Variants in CLCN1 observed in about 807,000 individuals in gnomAD.
CLCN1 encodes the protein chloride voltage-gated channel 1.
CLCN1 carries 100 observed loss-of-function variants against 114.5 expected under a neutral mutation model. That is an observed-to-expected ratio of 0.87 (90% CI 0.74 to 1.03). CLCN1 has a LOEUF of 1.03. CLCN1 is among the 50% of genes least tolerant of loss of function. The pLI, the probability that CLCN1 is intolerant of heterozygous loss-of-function variation, is 0.00. For synonymous variants in CLCN1, 485 were observed against 487.1 expected, an observed-to-expected ratio of 1.00 and a Z score of 0.06; for missense variants, 1,188 against 1,250.0, an observed-to-expected ratio of 0.95 and a Z score of 0.75.
chr7:143,321,257 G>C lies in CLCN1; in HGVS notation c.434-108G>C. 3 of 1,304,146 alleles carry C rather than the reference G, an allele frequency of 2.3e-6. 1 individual carries two copies. The South Asian group carries it at 3.7e-5, about 16-fold the overall frequency. 80.8% of individuals were successfully genotyped at this position (1,304,146 alleles called of 1,614,324 possible). ...ATGAGAGCAGCACCATCTCAGAAGG[G>C]GCACACAGAAGGAGCACGGCCTGAG... On this transcript the variant is annotated intron_variant, in intron 3 of 22. Coordinates refer to ENST00000343257, the MANE Select transcript of CLCN1 (RefSeq NM_000083.3). This position sits in a 1 kb window ranked among gnomAD's most constrained non-coding sequence, Gnocchi z 4.2.
chr7:143,322,801 G>A (rs575281847), intron 5 of CLCN1, among the ~76,000 whole-genome samples: 7 of 152,350 alleles, frequency 4.6e-5, no homozygotes, highest in Admixed American at 1.3e-4. Context: ...GATTACAGGC[G>A]TGCGCCACCG....
intron 14 of CLCN1, among the ~76,000 whole-genome samples, chr7:143,341,540 C>T (rs1019906491): frequency 4.7e-5 from 7 of 150,498 alleles, no homozygotes; most frequent in African/African-American, 1.7e-4. Context: ...GCCTAGGTGA[C>T]AGAGTGAGAC....
At chr7:143,319,496 C>A (rs976775394) in intron 1 of CLCN1, among the ~76,000 whole-genome samples, 4 of 152,112 alleles carry the variant, frequency 2.6e-5, no homozygotes, top group Non-Finnish European at 5.9e-5. Context: ...ATAAAGGCTA[C>A]CCTGGATCAA....
Position 143,320,711 on chromosome 7 carries a change from G to A in CLCN1, c.349G>A (p.Asp117Asn). The change falls in exon 3 of 23, where the codon GAC becomes AAC. Residue 117 changes from aspartate (D) to asparagine (N), a missense_variant. Physicochemically the swap from Asp to Asn is conservative, Grantham distance 23 (BLOSUM62 1). Coordinates refer to ENST00000343257, the MANE Select transcript of CLCN1 (RefSeq NM_000083.3). The part of the protein sequence containing the change: ...GQVVRRKLGE[D>N]GIFLVLLGLL... The stretch of plus-strand genomic sequence containing the variant: ...GGTGGTGAGAAGAAAATTAGGGGAA[G>A]ACGGGATCTTTCTGGTGCTTCTGGG... 6.2e-7 allele frequency: 1 copy of A among 1,613,752 alleles called. No homozygotes were observed.
At position 143,339,076 on chromosome 7, in the gene CLCN1, T is replaced by C. The variant is rs984506377; in HGVS notation, c.1402-177T>C. Among the ~76,000 whole-genome samples, 8 of 152,220 alleles carry C rather than the reference T, an allele frequency of 5.3e-5. No homozygotes were observed. Among genetic ancestry groups the C allele is most frequent in the African/African-American group, 1.7e-4 (7 of 41,456 alleles). On this transcript the variant is annotated intron_variant, in intron 12 of 22. Transcript: ENST00000343257. This position sits in a 1 kb window ranked among gnomAD's most constrained non-coding sequence, Gnocchi z 4.1. Reference sequence around the variant, plus strand: ...TGATAGTATTGTCTTTGGTGATCTCTTAGCCTGAGAGCTCTATGGCTTTTG... The same window carrying C: ...TGATAGTATTGTCTTTGGTGATCTCCTAGCCTGAGAGCTCTATGGCTTTTG...
chr7:143,331,830 T>C (rs1323094882), intron 10 of CLCN1, among the ~76,000 whole-genome samples, 178 bp downstream of exon 10: 1 of 152,124 alleles, frequency 6.6e-6, no homozygotes, highest in African/African-American at 2.4e-5. Context: ...TAAAGATTAT[T>C]TTTGTTTTTG....
intron 20 of CLCN1, among the ~76,000 whole-genome samples, chr7:143,348,059 C>T (rs1381104164): frequency 2.6e-5 from 4 of 152,100 alleles, no homozygotes; most frequent in Non-Finnish European, 2.9e-5. Context: ...AAAAAAAACA[C>T]GGCAGATATT....
intron 7 of CLCN1, among the ~76,000 whole-genome samples, chr7:143,328,183 C>T (rs936896607): frequency 1.4e-4 from 21 of 152,154 alleles, no homozygotes; most frequent in African/African-American, 3.4e-4. Context: ...GCGGGGTTGA[C>T]GAGTCTGAAG....
At position 143,339,247 on chromosome 7, in the gene CLCN1, C is replaced by T. The variant is rs1586507436; in HGVS notation, c.1402-6C>T. 1 of 1,596,988 alleles carries T rather than the reference C, an allele frequency of 6.3e-7. No homozygotes were observed. Among genetic ancestry groups the T allele is most frequent in the East Asian group, 2.2e-5 (1 of 44,830 alleles). ...AAGGGTATTCCAACGCTTCTTTCTA[C>T]TCCAGTTCTGGATGTCCATCGTGGC... On this transcript the variant is annotated splice_polypyrimidine_tract_variant and splice_region_variant and intron_variant, in intron 12 of 22. Coordinates refer to ENST00000343257, the MANE Select transcript of CLCN1 (RefSeq NM_000083.3). This position sits in a 1 kb window ranked among gnomAD's most constrained non-coding sequence, Gnocchi z 4.1.
At chr7:143,326,049 C>T (rs1417127126) in intron 7 of CLCN1, among the ~76,000 whole-genome samples, 4 of 151,960 alleles carry the variant, frequency 2.6e-5, no homozygotes, top group Non-Finnish European at 4.4e-5. Context: ...TGGAGTCTTG[C>T]TCTGTCACCC....
intron 12 of CLCN1, among the ~76,000 whole-genome samples, chr7:143,338,069 C>T (rs903191828): frequency 8.6e-5 from 13 of 152,026 alleles, no homozygotes; most frequent in Non-Finnish European, 1.8e-4. Flanking sequence ...TGGTCTTGAT[C>T]TCCTGACCTC....
chr7:143,350,497 T>C lies in CLCN1; in HGVS notation c.2508+21T>C. 2 of 1,611,252 alleles carry C rather than the reference T, an allele frequency of 1.2e-6. No homozygotes were observed. The highest frequency in any genetic ancestry group is 1.7e-6 in the Non-Finnish European group (2 of 1,177,436). On this transcript the variant is annotated intron_variant, in intron 21 of 22. Coordinates refer to ENST00000343257, the MANE Select transcript of CLCN1 (RefSeq NM_000083.3). This position sits in a 1 kb window ranked among gnomAD's most constrained non-coding sequence, Gnocchi z 5.1. ...ACAAGGTGAGTCTTTTGCTGACTGC[T>C]CAGGGCTGTGGGGAAGGCAGGAGAG... is the stretch of plus-strand genomic sequence containing the variant.
Position 143,345,768 on chromosome 7 carries a change from C to A in CLCN1, c.2172+6C>A. The stretch of plus-strand genomic sequence containing the variant: ...ACCTCTCTGGCAAGAGCGAGGTGAC[C>A]GCGCCGGGAAGGGCTAGGGAGTGGG... On this transcript the variant is annotated splice_donor_region_variant and intron_variant, in intron 17 of 22. Transcript: ENST00000343257. The A allele has an allele frequency of 6.2e-7, 1 of 1,606,016 alleles. No individual in the cohort carries two copies. The highest frequency in any genetic ancestry group is 8.5e-7 in the Non-Finnish European group (1 of 1,177,092).
Position 143,346,598 on chromosome 7 carries a change from C to G in CLCN1, c.2304C>G (p.Phe768Leu). 1.2e-6 allele frequency: 2 copies of G among 1,613,190 alleles called. No homozygotes were observed. The highest frequency in any genetic ancestry group is 1.7e-6 in the Non-Finnish European group (2 of 1,179,544). Reference sequence around the variant, plus strand: ...TCTCAGGTCAAAGACCCTCCATCTTCCAGTCCCTGCTTCACTGCTTGCTGG... The same window carrying G: ...TCTCAGGTCAAAGACCCTCCATCTTGCAGTCCCTGCTTCACTGCTTGCTGG... ...PEPAGQRPSI[F>L]QSLLHCLLGR... is the part of the protein sequence containing the mutation. Residue 768 changes from phenylalanine (F) to leucine (L), a missense_variant, in exon 19 of 23, where the codon TTC becomes TTG. Coordinates refer to ENST00000343257, the MANE Select transcript of CLCN1 (RefSeq NM_000083.3).
At position 143,319,861 on chromosome 7, in the gene CLCN1, A is replaced by C. The variant is rs752230240; in HGVS notation, c.287A>C (p.Tyr96Ser). 5 of 1,613,766 alleles carry C rather than the reference A, an allele frequency of 3.1e-6. No individual in the cohort carries two copies. In the East Asian group the frequency reaches 1.1e-4, roughly 36 times the overall value. The change falls in exon 2 of 23, where the codon TAT becomes TCT. Residue 96 changes from tyrosine to serine, a missense_variant. Tyr to Ser is a moderately radical substitution (Grantham distance 144, BLOSUM62 -2). Transcript: ENST00000343257. Reference protein sequence around the residue: ...STVDSKDEDHYSKCQDCIHRL... With the variant: ...STVDSKDEDHSSKCQDCIHRL... ...GTGGACAGCAAGGATGAGGATCACTATTCTAAATGTCAAGGTGATGGGGAC... is the reference window on the plus strand; with the variant it reads ...GTGGACAGCAAGGATGAGGATCACTCTTCTAAATGTCAAGGTGATGGGGAC...
chr7:143,318,579 G>C (rs187228185), intron 1 of CLCN1, among the ~76,000 whole-genome samples: 156 of 152,274 alleles, frequency 1.0e-3, no homozygotes, highest in Middle Eastern at 6.8e-3. Context: ...GTAGACTTGA[G>C]TTTTGACTTC....
At chr7:143,332,561 T>C in intron 11 of CLCN1, 58 bp downstream of exon 11, 3 of 1,534,890 alleles carry the variant, frequency 2.0e-6, no homozygotes, top group African/African-American at 1.4e-5. Context: ...TACCTCAGGC[T>C]TCAGAGCATA....
chr7:143,347,083 A>G (rs559657877), intron 20 of CLCN1, 134 bp downstream of exon 20: 1 of 829,468 alleles, frequency 1.2e-6, no homozygotes, highest in South Asian at 1.4e-5. Context: ...GAGAGGATGG[A>G]AATAAGGATG....
intron 6 of CLCN1, chr7:143,323,841 T>C (rs1168419027): frequency 2.1e-6 from 1 of 473,774 alleles, no homozygotes; most frequent in Admixed American, 2.3e-5. Flanking sequence ...CAGCTTGACC[T>C]CCTGGTGTCG....
Sources: allele counts gnomAD v4.1 joint callset (sites outside exome capture counted in the v4.1 genomes callset), GRCh38; gene constraint gnomAD v4.1.1; non-coding constraint Gnocchi (gnomAD v3.1); transcripts MANE v1.5; gene names NCBI Gene and HGNC (gene_info 2026-07-23, HGNC 2026-07-21).